The following PLD5 variants were observed in gnomAD, a reference collection of about 807,000 sequenced individuals.
PLD5 encodes the protein phospholipase D family member 5.
Under a neutral mutation model 61.1 loss-of-function variants are expected in PLD5, and 36 were observed. That is an observed-to-expected ratio of 0.59 (90% CI 0.45 to 0.78). PLD5 has a LOEUF of 0.78. Ranked by LOEUF, PLD5 falls within the 30% of genes least tolerant of loss-of-function variation. The pLI is 0.00. For synonymous variants in PLD5, 243 were observed against 242.8 expected, an observed-to-expected ratio of 1.00 and a Z score of -0.01; for missense variants, 515 against 644.4, an observed-to-expected ratio of 0.80 and a Z score of 2.17.
intron 2 of PLD5, among the ~76,000 whole-genome samples, chr1:242,317,216 T>C (rs987854161): frequency 1.3e-5 from 2 of 152,114 alleles, no homozygotes; most frequent in African/African-American, 2.4e-5. Flanking sequence ...GGTTTCGCCA[T>C]GTTGTCTAGA....
At chr1:242,165,757 C>A (rs1666261187) in intron 5 of PLD5, among the ~76,000 whole-genome samples, 1 of 152,208 alleles carries the variant, frequency 6.6e-6, no homozygotes, top group African/African-American at 2.4e-5. Context: ...ACCCAAATGG[C>A]TCATGCTGGT....
At chr1:242,300,195 T>G (rs1044044726) in intron 2 of PLD5, among the ~76,000 whole-genome samples, 24 of 152,116 alleles carry the variant, frequency 1.6e-4, no homozygotes, top group Non-Finnish European at 2.8e-4. Flanking sequence ...TCCCAGCACT[T>G]TGGGAGGCCA....
upstream of PLD5, among the ~76,000 whole-genome samples, chr1:242,525,951 G>A (rs994665965): frequency 4.6e-5 from 7 of 152,168 alleles, no homozygotes; most frequent in African/African-American, 1.7e-4. Flanking sequence ...GGTTTTCTTA[G>A]GAGCTGAACT....
chr1:242,308,659 C>T (rs1558450831), intron 2 of PLD5, among the ~76,000 whole-genome samples: 1 of 151,378 alleles, frequency 6.6e-6, no homozygotes, highest in Non-Finnish European at 1.5e-5. Context: ...GTTTAAAATA[C>T]ATGAAATGAA....
chr1:242,350,444 C>T (rs1052061813), intron 1 of PLD5, among the ~76,000 whole-genome samples: 4 of 3,870 alleles, frequency 1.0e-3, no homozygotes, highest in Non-Finnish European at 2.8e-3. Flanking sequence ...TACACACACA[C>T]ACACACACAC....
intron 1 of PLD5, among the ~76,000 whole-genome samples, chr1:242,481,577 G>A (rs181350974): frequency 1.2e-3 from 186 of 152,366 alleles, no homozygotes; most frequent in African/African-American, 3.5e-3. Flanking sequence ...CGAACTGGGT[G>A]GAGCCCACCA....
At chr1:242,295,855 C>T (rs1226110688) in intron 2 of PLD5, among the ~76,000 whole-genome samples, 1 of 152,048 alleles carries the variant, frequency 6.6e-6, no homozygotes, top group African/African-American at 2.4e-5. Flanking sequence ...GAAATGGTAT[C>T]GCATTGTGGT....
chr1:242,435,730 A>C (rs1665962568), intron 1 of PLD5, among the ~76,000 whole-genome samples: 1 of 152,224 alleles, frequency 6.6e-6, no homozygotes, highest in Non-Finnish European at 1.5e-5. Flanking sequence ...GTGAGCATCC[A>C]CTAATTCAGT....
chr1:242,200,182 G>A (rs1210195167), intron 5 of PLD5, among the ~76,000 whole-genome samples: 1 of 152,234 alleles, frequency 6.6e-6, no homozygotes, highest in Non-Finnish European at 1.5e-5. Flanking sequence ...GGAGCTTGCT[G>A]CGAGGCACGA....
At chr1:242,148,170 A>G (rs1664666840) in intron 5 of PLD5, among the ~76,000 whole-genome samples, 1 of 151,734 alleles carries the variant, frequency 6.6e-6, no homozygotes. Context: ...ATTTAAGTCT[A>G]TGGTCCATTT....
intron 2 of PLD5, among the ~76,000 whole-genome samples, chr1:242,325,125 A>G (rs1426477376): frequency 3.9e-5 from 6 of 152,158 alleles, no homozygotes; most frequent in African/African-American, 7.2e-5. Flanking sequence ...CGGGGTGGTT[A>G]CCAGTGCTGT....
chr1:242,424,079 TGC>T (rs1006943377), intron 1 of PLD5, among the ~76,000 whole-genome samples: 2 of 152,260 alleles, frequency 1.3e-5, no homozygotes, highest in African/African-American at 4.8e-5. Context: ...GGCTGGACTC[TGC>T]TCAGTGTTTG....
chr1:242,432,768 G>A lies in PLD5; in HGVS notation c.190-84526C>T, dbSNP rs182356428. On this transcript the variant is annotated intron_variant, in intron 1 of 9. Transcript: ENST00000536534. ...TTTCCCAATTAGATTTGTGATGTGGGAAGGCCAAATGGAAAACCACAGGGG... is the reference window on the plus strand; with the variant it reads ...TTTCCCAATTAGATTTGTGATGTGGAAAGGCCAAATGGAAAACCACAGGGG... Among the ~76,000 whole-genome samples, 454 of 152,026 alleles carry A rather than the reference G, an allele frequency of 3.0e-3. 3 individuals carry two copies. Among genetic ancestry groups the A allele is most frequent in the South Asian group, 1.0e-2 (48 of 4,806 alleles).
chr1:242,424,345 C>A (rs1665303657), intron 1 of PLD5, among the ~76,000 whole-genome samples: 1 of 152,174 alleles, frequency 6.6e-6, no homozygotes, highest in Non-Finnish European at 1.5e-5. Context: ...TCTGACTAAA[C>A]TGAGCTGATG....
At chr1:242,501,570 C>T (rs1668555961) in intron 1 of PLD5, among the ~76,000 whole-genome samples, 1 of 151,946 alleles carries the variant, frequency 6.6e-6, no homozygotes, top group Admixed American at 6.6e-5. Flanking sequence ...CATAAAGAAA[C>T]GGAATGAAAA....
chr1:242,394,126 GTA>G (rs1384780787), intron 1 of PLD5, among the ~76,000 whole-genome samples: 5 of 138,828 alleles, frequency 3.6e-5, no homozygotes, highest in African/African-American at 7.9e-5. Context: ...ATATATATGT[GTA>G]TATATATGAG....
At chr1:242,190,382 G>A (rs1473841407) in intron 5 of PLD5, among the ~76,000 whole-genome samples, 1 of 151,688 alleles carries the variant, frequency 6.6e-6, no homozygotes, top group Non-Finnish European at 1.5e-5. Context: ...TCCTGACCGC[G>A]TGATCCGCCC....
intron 1 of PLD5, among the ~76,000 whole-genome samples, chr1:242,437,317 C>T (rs1443781436): frequency 6.6e-6 from 1 of 152,156 alleles, no homozygotes; most frequent in Non-Finnish European, 1.5e-5. Flanking sequence ...GACTTTATGA[C>T]AATGGCACCG....
At chr1:242,318,819 C>T (rs1233952364) in intron 2 of PLD5, among the ~76,000 whole-genome samples, 2 of 151,670 alleles carry the variant, frequency 1.3e-5, no homozygotes, top group Admixed American at 1.3e-4. Flanking sequence ...GGGAATGTTG[C>T]TTTTACTTCA....
Sources: gnomAD v4.1 joint callset for allele counts (sites outside exome capture counted in the v4.1 genomes callset) on GRCh38, gnomAD v4.1.1 for gene constraint, MANE v1.5 for transcripts, NCBI Gene and HGNC (gene_info 2026-07-23, HGNC 2026-07-21) for gene names.